The following STAB2 variants were observed in gnomAD, a reference collection of about 807,000 sequenced individuals.
STAB2 encodes the protein stabilin-2.
Under a neutral mutation model 338.1 loss-of-function variants are expected in STAB2, and 288 were observed. The observed-to-expected ratio is 0.85, with a 90% CI of 0.77 to 0.94. The LOEUF is 0.94. Among genes scored for constraint, STAB2 ranks in the 40% least tolerant of loss-of-function variants. STAB2 has a pLI of 0.00. For synonymous variants in STAB2, 1,202 were observed against 1,193.3 expected, an observed-to-expected ratio of 1.01 and a Z score of -0.15; for missense variants, 3,141 against 3,210.1, an observed-to-expected ratio of 0.98 and a Z score of 0.52.
chr12:103,713,593 A>G (rs747301613), intron 41 of STAB2, 50 bp from the exon 42 acceptor site: 55 of 1,603,350 alleles, frequency 3.4e-5, no homozygotes, highest in African/African-American at 5.4e-5. Flanking sequence ...AAATACATCA[A>G]TGGCTTTTGC....
At chr12:103,666,134 G>A (rs1875074174) in intron 18 of STAB2, among the ~76,000 whole-genome samples, 157 bp from the exon 19 acceptor site, 1 of 152,226 alleles carries the variant, frequency 6.6e-6, no homozygotes, top group Admixed American at 6.5e-5. Flanking sequence ...TTCTCCCACG[G>A]TGGAGTCGGT....
intron 15 of STAB2, among the ~76,000 whole-genome samples, 182 bp from the exon 16 acceptor site, chr12:103,660,149 T>C (rs1874485535): frequency 6.6e-6 from 1 of 152,204 alleles, no homozygotes; most frequent in Non-Finnish European, 1.5e-5. Context: ...AACAGCCTCT[T>C]CCACAGAGTG....
rs145446997 is a variant in STAB2, at chr12:103,693,291, C to CA, written c.3375+412dup. On this transcript the variant is annotated intron_variant, in intron 31 of 68. Transcript: ENST00000388887. ...CAACATAATGAGATCCTCTCTCTACCAAAAAAAAAAGCATGCACCTATGTG... is the reference window on the plus strand; with the variant it reads ...CAACATAATGAGATCCTCTCTCTACCAAAAAAAAAAAGCATGCACCTATGTG... Among the ~76,000 whole-genome samples the CA allele has an allele frequency of 2.1e-4, 31 of 144,614 alleles. 1 individual carries two copies. The highest frequency in any genetic ancestry group is 1.6e-3 in the South Asian group (7 of 4,516). The allele number at this position is 144,614 out of a possible 152,430, so 94.9% of individuals were successfully genotyped here.
intron 3 of STAB2, among the ~76,000 whole-genome samples, chr12:103,615,521 T>A (rs1261361971): frequency 6.6e-6 from 1 of 152,194 alleles, no homozygotes; most frequent in African/African-American, 2.4e-5. Flanking sequence ...GAAGGAGTCA[T>A]GAGAAGTGTA....
intron 22 of STAB2, among the ~76,000 whole-genome samples, chr12:103,671,946 C>T (rs943691979): frequency 8.5e-5 from 13 of 152,142 alleles, no homozygotes; most frequent in Non-Finnish European, 1.6e-4. Context: ...CCTGAAGTCC[C>T]CACACTCCAG....
At chr12:103,740,585 T>A (rs1371624300) in intron 54 of STAB2, 45 bp from the exon 55 acceptor site, 1 of 1,598,302 alleles carries the variant, frequency 6.3e-7, no homozygotes, top group East Asian at 2.3e-5. Context: ...AGAGCCCTAG[T>A]CCCTGCAGTG....
Position 103,712,445 on chromosome 12 carries a change from C to T in STAB2, c.4411+2C>T, listed in dbSNP as rs1159052668. 6.2e-7 allele frequency: 1 copy of T among 1,612,336 alleles called. No homozygotes were observed. Among genetic ancestry groups the T allele is most frequent in the Admixed American group, 1.7e-5 (1 of 60,022 alleles). On this transcript the variant is annotated splice_donor_variant, in intron 41 of 68. Coordinates refer to ENST00000388887, the MANE Select transcript of STAB2 (RefSeq NM_017564.10). LOFTEE classifies it low-confidence loss of function (GC_TO_GT_DONOR). ...AAGGAAACGGGACCATCTGCACAGG[C>T]AAGCGAAGGAAGGAATTTGCTGGGG... is the stretch of plus-strand genomic sequence containing the variant.
rs769244340 is a variant in STAB2 at position 103,737,740 on chromosome 12, TG to T, written c.5663del (p.Gly1888AlafsTer33). 1.9e-6 allele frequency: 3 copies of T among 1,613,648 alleles called. No homozygotes were observed. The highest frequency in any genetic ancestry group is 1.3e-5 in the African/African-American group (1 of 74,842). ...GACTGTCTGCTGATTGATCCCACCC[TG>T]GGGGGCCGCTGTGACACCTTTACTA... ...GIDCLLIDPT[L>X]GGRCDTFTTF... On this transcript the variant is annotated frameshift_variant, in exon 53 of 69. Transcript: ENST00000388887. LOFTEE classifies it high-confidence loss of function.
intron 3 of STAB2, among the ~76,000 whole-genome samples, chr12:103,615,045 C>T (rs1174862427): frequency 1.3e-5 from 2 of 152,170 alleles, no homozygotes; most frequent in Non-Finnish European, 2.9e-5. Context: ...CTAGTGTGGG[C>T]CTGGTATACC....
intron 3 of STAB2, among the ~76,000 whole-genome samples, chr12:103,601,219 G>T (rs980608743): frequency 7.2e-5 from 11 of 151,988 alleles, no homozygotes; most frequent in Admixed American, 2.6e-4. Flanking sequence ...GCTACCCAGG[G>T]TCTACATTGC....
intron 44 of STAB2, among the ~76,000 whole-genome samples, chr12:103,719,781 T>A (rs1004310972): frequency 6.6e-6 from 1 of 152,244 alleles, no homozygotes; most frequent in Non-Finnish European, 1.5e-5. Flanking sequence ...CCCACTAGGC[T>A]GTGAGGAGTG....
chr12:103,717,673 C>A (rs2139027510), intron 43 of STAB2, 97 bp from the exon 44 acceptor site: 1 of 962,144 alleles, frequency 1.0e-6, no homozygotes, highest in Non-Finnish European at 1.7e-6. Flanking sequence ...CCTAACATTA[C>A]CATGACCATG....
intron 67 of STAB2, 155 bp from the exon 68 acceptor site, chr12:103,763,337 T>C: frequency 1.5e-6 from 1 of 654,398 alleles, no homozygotes; most frequent in South Asian, 1.8e-5. Context: ...TAAAGGTTGG[T>C]AAATTTTATT....
intron 11 of STAB2, among the ~76,000 whole-genome samples, chr12:103,651,367 G>A (rs1450118577): frequency 6.8e-6 from 1 of 147,244 alleles, no homozygotes; most frequent in Non-Finnish European, 1.5e-5. Context: ...AAGCTGGAGT[G>A]CAGTGGCGCA....
chr12:103,710,334 C>G (rs934596226), intron 39 of STAB2, among the ~76,000 whole-genome samples: 4 of 151,778 alleles, frequency 2.6e-5, no homozygotes, highest in African/African-American at 9.7e-5. Context: ...AGTTTCCAGT[C>G]TAGAAAAGGA....
At chr12:103,696,042 T>G (rs1459316035) in intron 33 of STAB2, among the ~76,000 whole-genome samples, 198 bp downstream of exon 33, 1 of 152,150 alleles carries the variant, frequency 6.6e-6, no homozygotes, top group Non-Finnish European at 1.5e-5. Context: ...CACATGCCCC[T>G]GGAATTGCAC....
Position 103,742,406 on chromosome 12 carries a change from C to G in STAB2, c.5883C>G (p.Ala1961=), listed in dbSNP as rs921806481. ...CKGYFGRDCQ[A]CPGGPDAPCN... ...TCACTGCTGTTTCATCTCTTCCAGC[C>G]TGCCCTGGAGGACCAGATGCCCCGT... Residue 1961 remains alanine, a splice_region_variant and synonymous_variant, in exon 56 of 69, where the codon GCC becomes GCG. Coordinates refer to ENST00000388887, the MANE Select transcript of STAB2 (RefSeq NM_017564.10). The G allele has an allele frequency of 2.5e-6, 4 of 1,613,908 alleles. No individual in the cohort carries two copies. Among genetic ancestry groups the G allele is most frequent in the Non-Finnish European group, 2.5e-6 (3 of 1,179,940 alleles).
At chr12:103,759,940 A>G (rs1884415367) in intron 65 of STAB2, among the ~76,000 whole-genome samples, 1 of 152,268 alleles carries the variant, frequency 6.6e-6, no homozygotes, top group South Asian at 2.1e-4. Context: ...AAGAAATGAT[A>G]CATTTGTGGA....
intron 63 of STAB2, among the ~76,000 whole-genome samples, chr12:103,757,160 C>A (rs1884194031): frequency 6.6e-6 from 1 of 151,754 alleles, no homozygotes; most frequent in African/African-American, 2.4e-5. Context: ...ATGATCTCGG[C>A]TCATGGCAGC....
Sources: allele counts gnomAD v4.1 joint callset (sites outside exome capture counted in the v4.1 genomes callset), GRCh38; gene constraint gnomAD v4.1.1; transcripts MANE v1.5; gene names NCBI Gene and HGNC (gene_info 2026-07-23, HGNC 2026-07-21).